The following PACRG variants were observed in gnomAD, a reference collection of about 807,000 sequenced individuals.
PACRG encodes the protein parkin coregulated gene protein.
A neutral mutation model predicts 29.7 loss-of-function variants in PACRG; 29 were observed. That is an observed-to-expected ratio of 0.98 (90% confidence interval 0.73 to 1.33). PACRG has a LOEUF of 1.33. PACRG is among the 40% of genes most tolerant of loss of function. PACRG has a pLI of 0.00. For synonymous variants in PACRG, 116 were observed against 118.7 expected, an observed-to-expected ratio of 0.98 and a Z score of 0.15; for missense variants, 279 against 316.2, an observed-to-expected ratio of 0.88 and a Z score of 0.89.
intron 2 of PACRG, among the ~76,000 whole-genome samples, chr6:162,890,485 A>G (rs549189774): frequency 6.6e-6 from 1 of 152,238 alleles, no homozygotes; most frequent in African/African-American, 2.4e-5. Context: ...ATGTACCTTC[A>G]CCACAATCAA....
chr6:162,876,884 G>A (rs1793398968), intron 2 of PACRG, among the ~76,000 whole-genome samples: 1 of 152,142 alleles, frequency 6.6e-6, no homozygotes, highest in African/African-American at 2.4e-5. Flanking sequence ...GTTAATTTTT[G>A]TATAAGGTGT....
chr6:162,871,630 A>G (rs1277361821), intron 2 of PACRG, among the ~76,000 whole-genome samples: 1 of 152,108 alleles, frequency 6.6e-6, no homozygotes, highest in Admixed American at 6.6e-5. Flanking sequence ...CTTAAAGACT[A>G]CTTCTCGGCT....
intron 2 of PACRG, among the ~76,000 whole-genome samples, chr6:162,897,753 T>A (rs1012414561): frequency 3.9e-5 from 6 of 152,188 alleles, no homozygotes; most frequent in Non-Finnish European, 7.3e-5. Flanking sequence ...ACCAGTGCTG[T>A]ATTAGTGAGT....
chr6:162,736,358 T>C (rs556716357), intron 1 of PACRG, among the ~76,000 whole-genome samples: 4 of 152,214 alleles, frequency 2.6e-5, no homozygotes, highest in South Asian at 4.2e-4. Flanking sequence ...GATCTGGAAA[T>C]GGAATTTACA....
At chr6:162,772,540 T>C (rs1191785959) in intron 1 of PACRG, among the ~76,000 whole-genome samples, 1 of 152,160 alleles carries the variant, frequency 6.6e-6, no homozygotes, top group Non-Finnish European at 1.5e-5. Context: ...AGAACACATT[T>C]TGAAAAGTCA....
chr6:163,127,022 G>A (rs1379035438), intron 4 of PACRG, among the ~76,000 whole-genome samples: 1 of 152,206 alleles, frequency 6.6e-6, no homozygotes, highest in Non-Finnish European at 1.5e-5. Flanking sequence ...TGACTACGTA[G>A]CATCAATTAC....
chr6:162,908,740 G>A (rs1274029149), intron 2 of PACRG, among the ~76,000 whole-genome samples: 1 of 152,174 alleles, frequency 6.6e-6, no homozygotes, highest in African/African-American at 2.4e-5. Context: ...CAGGGGCATG[G>A]CATACTTGGA....
intron 4 of PACRG, among the ~76,000 whole-genome samples, chr6:163,239,929 A>T (rs932176748): frequency 4.9e-5 from 6 of 122,902 alleles, no homozygotes; most frequent in Non-Finnish European, 9.9e-5. Flanking sequence ...CATCCATAAC[A>T]CACTCACACT....
intron 4 of PACRG, chr6:163,166,147 G>T (rs1408646190): frequency 2.2e-6 from 1 of 456,200 alleles, no homozygotes. Context: ...CGTCGCTTGC[G>T]CCCGGCACAT....
intron 4 of PACRG, among the ~76,000 whole-genome samples, chr6:163,271,548 G>C (rs1321208758): frequency 6.6e-6 from 1 of 152,144 alleles, no homozygotes; most frequent in Non-Finnish European, 1.5e-5. Flanking sequence ...CCTAATGCAA[G>C]GTGTCAGGTA....
At position 162,883,014 on chromosome 6, in the gene PACRG, C is replaced by T. The variant is rs115283861; in HGVS notation, c.291+68733C>T. Among the ~76,000 whole-genome samples, 1,095 of 152,314 alleles carry T rather than the reference C, an allele frequency of 7.2e-3. 11 individuals are homozygous for T. The highest frequency in any genetic ancestry group is 0.024 in the African/African-American group (1,018 of 41,580). On this transcript the variant is annotated intron_variant, in intron 2 of 4. Coordinates refer to ENST00000366888, the MANE Select transcript of PACRG (RefSeq NM_001080379.2). ...CTGACCCTCACTGGCAGGGGCACCT[C>T]GAGTTCCACTCCCTGTTGCATCATC...
intron 2 of PACRG, among the ~76,000 whole-genome samples, chr6:162,870,955 T>C (rs1226797242): frequency 6.6e-6 from 1 of 152,188 alleles, no homozygotes; most frequent in Non-Finnish European, 1.5e-5. Context: ...AATGCTGGAA[T>C]ATGACTGTGA....
At chr6:163,003,527 T>A (rs1044638188) in intron 2 of PACRG, among the ~76,000 whole-genome samples, 1 of 152,184 alleles carries the variant, frequency 6.6e-6, no homozygotes, top group Non-Finnish European at 1.5e-5. Flanking sequence ...AGGAAACATT[T>A]CCAACTCAAA....
intron 4 of PACRG, among the ~76,000 whole-genome samples, chr6:163,227,036 G>A (rs996215853): frequency 2.6e-5 from 4 of 152,098 alleles, no homozygotes; most frequent in East Asian, 1.9e-4. Context: ...AAGATTCCAC[G>A]GGAATTTTTG....
At chr6:162,985,377 T>C (rs4342402) in intron 2 of PACRG, among the ~76,000 whole-genome samples, 63,008 of 151,856 alleles carry the variant, frequency 0.41, 13,387 homozygotes, top group East Asian at 0.7. Context: ...GGGTTCCATA[T>C]GAGGGATGCA....
intron 2 of PACRG, among the ~76,000 whole-genome samples, chr6:162,961,697 G>A (rs1800631026): frequency 6.6e-6 from 1 of 152,130 alleles, no homozygotes; most frequent in East Asian, 1.9e-4. Flanking sequence ...GTCAGTCCTA[G>A]TGTCCACCTT....
At position 162,933,601 on chromosome 6, in the gene PACRG, C is replaced by CTTTTTTTTTT. The variant is rs71008119; in HGVS notation, c.291+119334_291+119343dup. ...ATCAGTATATAATGACTTTCTGTAT[C>CTTTTTTTTTT]TTTTTTTTTTTTTTTTTTTTTTTAC... On this transcript the variant is annotated intron_variant, in intron 2 of 4. Transcript: ENST00000366888. Among the ~76,000 whole-genome samples, 43 of 74,582 alleles carry CTTTTTTTTTT rather than the reference C, an allele frequency of 5.8e-4. 1 individual carries two copies. Among genetic ancestry groups the CTTTTTTTTTT allele is most frequent in the African/African-American group, 9.7e-4 (17 of 17,492 alleles). The allele number at this position is 74,582 out of a possible 152,430, so 48.9% of individuals were successfully genotyped here.
intron 2 of PACRG, among the ~76,000 whole-genome samples, chr6:162,855,066 T>C (rs1444006444): frequency 6.6e-6 from 1 of 152,236 alleles, no homozygotes; most frequent in African/African-American, 2.4e-5. Flanking sequence ...CCCCACGCAG[T>C]CTCATGTGAA....
intron 4 of PACRG, among the ~76,000 whole-genome samples, chr6:163,095,062 A>C (rs1370443228): frequency 1.3e-5 from 2 of 152,126 alleles, no homozygotes; most frequent in Non-Finnish European, 2.9e-5. Flanking sequence ...TTGTGCAGCG[A>C]TCTAAGTGAG....
Sources: allele counts gnomAD v4.1 joint callset (sites outside exome capture counted in the v4.1 genomes callset), GRCh38; gene constraint gnomAD v4.1.1; transcripts MANE v1.5; gene names NCBI Gene and HGNC (gene_info 2026-07-23, HGNC 2026-07-21).